Variants in MAOB observed in about 807,000 individuals in gnomAD.
MAOB encodes monoamine oxidase B, also known as amine oxidase [flavin-containing] B.
A neutral mutation model predicts 41.9 loss-of-function variants in MAOB; 15 were observed. That is an observed-to-expected ratio of 0.36 (90% CI 0.24 to 0.55). The LOEUF (loss-of-function observed/expected upper bound fraction) is 0.55. MAOB is among the 20% of genes least tolerant of loss of function. MAOB has a pLI of 0.86. For missense variants in MAOB, 345 were observed against 398.7 expected, an observed-to-expected ratio of 0.87 and a Z score of 1.15; for synonymous variants, 167 against 144.2, an observed-to-expected ratio of 1.16 and a Z score of -1.13.
At chrX:43,840,498 C>T (rs1406099366) in intron 2 of MAOB, among the ~76,000 whole-genome samples, 1 of 111,225 alleles carries the variant, frequency 9.0e-6, no homozygotes, top group Non-Finnish European at 1.9e-5. Context: ...AGAGGGCTGG[C>T]AAGATGGTCG....
intron 3 of MAOB, among the ~76,000 whole-genome samples, chrX:43,810,365 T>C (rs972473899): frequency 9.0e-6 from 1 of 110,509 alleles, no homozygotes. Flanking sequence ...TGTAAATTAA[T>C]GTCACTCACT....
At chrX:43,778,388 T>C (rs1368821792) in intron 11 of MAOB, among the ~76,000 whole-genome samples, 1 of 110,574 alleles carries the variant, frequency 9.0e-6, no homozygotes. Flanking sequence ...CTAACAGAAC[T>C]GGAAGCAGAG....
intron 1 of MAOB, among the ~76,000 whole-genome samples, chrX:43,856,003 T>C (rs887150685): frequency 1.7e-4 from 19 of 111,618 alleles, no homozygotes; most frequent in African/African-American, 4.9e-4. Flanking sequence ...TTCAGGAATT[T>C]GCCCTTGAAA....
In MAOB at chrX:43,769,313, G is replaced by A. The variant is rs758769991; in HGVS notation, c.1341C>T (p.Ala447=). ...CTATGACCCCAGACCCTACCTCTCG[G>A]GCTGCTCTCTCCCCGGCCTCTACAG... ...EGAVEAGERA[A]REILHAMGKI... The change falls in exon 13 of 15, where the codon GCC becomes GCT. Residue 447 remains alanine, a synonymous_variant. Transcript: ENST00000378069. 3.3e-6 allele frequency: 4 copies of A among 1,205,244 alleles called. No individual in the cohort carries two copies. In the South Asian group the frequency reaches 7.1e-5, roughly 21 times the overall value.
rs909570039 is a variant in MAOB, at chrX:43,767,308, G to A, written c.*158C>T. On this transcript the variant is annotated 3_prime_UTR_variant, in exon 15 of 15. Coordinates refer to ENST00000378069, the MANE Select transcript of MAOB (RefSeq NM_000898.5). ...CTAAGCAGGGGCCACAACGGAGAAAGAGATACCATGTATTTTACAGTCAGA... is the reference window on the plus strand; with the variant it reads ...CTAAGCAGGGGCCACAACGGAGAAAAAGATACCATGTATTTTACAGTCAGA... 1 of 502,979 alleles carries A rather than the reference G, an allele frequency of 2.0e-6. No homozygotes were observed. The highest frequency in any genetic ancestry group is 3.1e-6 in the Non-Finnish European group (1 of 318,044). The allele number at this position is 502,979 out of a possible 1,213,427, so 41.5% of individuals were successfully genotyped here. A position where few individuals can be genotyped will look rare whatever the true frequency, so the allele number is the denominator to read the frequency against.
intron 6 of MAOB, among the ~76,000 whole-genome samples, chrX:43,796,196 C>A (rs1176186340): frequency 9.0e-6 from 1 of 111,715 alleles, no homozygotes; most frequent in African/African-American, 3.3e-5. Flanking sequence ...TATCTGCAGT[C>A]TTTTGCTTAG....
At chrX:43,818,921 G>A (rs1426641832) in intron 3 of MAOB, among the ~76,000 whole-genome samples, 12 of 111,697 alleles carry the variant, frequency 1.1e-4, no homozygotes, top group Admixed American at 7.6e-4. Flanking sequence ...TCATAGCTTC[G>A]CCTGGCTATG....
At chrX:43,874,578 C>T (rs995483399) in intron 1 of MAOB, among the ~76,000 whole-genome samples, 42 of 111,497 alleles carry the variant, frequency 3.8e-4, no homozygotes, top group African/African-American at 1.1e-3. Context: ...TTCAATTGCT[C>T]GTTTTTGGAT....
At chrX:43,844,972 C>T (rs1223605807) in intron 1 of MAOB, among the ~76,000 whole-genome samples, 6 of 111,958 alleles carry the variant, frequency 5.4e-5, no homozygotes, top group African/African-American at 2.0e-4. Context: ...TTCTATGTAT[C>T]CTACTGGTTC....
intron 1 of MAOB, among the ~76,000 whole-genome samples, chrX:43,874,025 T>C (rs773263013): frequency 1.7e-4 from 19 of 111,975 alleles, no homozygotes; most frequent in South Asian, 3.7e-4. Context: ...GTGTTTGAGA[T>C]TGCCAGAGAT....
At chrX:43,767,694 C>T in intron 14 of MAOB, 76 bp from the exon 15 acceptor site, 1 of 988,638 alleles carries the variant, frequency 1.0e-6, no homozygotes, top group African/African-American at 1.9e-5. Flanking sequence ...TTCTCCAGCT[C>T]TCTGAACATG....
In MAOB at chrX:43,837,732, G is replaced by A. The variant is rs1208394887; in HGVS notation, c.279+1136C>T. On this transcript the variant is annotated intron_variant, in intron 3 of 14. Coordinates refer to ENST00000378069, the MANE Select transcript of MAOB (RefSeq NM_000898.5). ...AGTTTCTTCTGTCTTCTAAGGGGAT[G>A]TTTTCTACCAGTGAGGAATAAGTTC... 5 of 248,041 alleles carry A rather than the reference G, an allele frequency of 2.0e-5. No individual in the cohort carries two copies. In the East Asian group the frequency reaches 5.2e-4, roughly 26 times the overall value. The allele number at this position is 248,041 out of a possible 1,213,427, so 20.4% of individuals were successfully genotyped here.
At chrX:43,773,397 T>C (rs973177218) in intron 12 of MAOB, among the ~76,000 whole-genome samples, 5 of 112,380 alleles carry the variant, frequency 4.4e-5, no homozygotes, top group African/African-American at 1.6e-4. Context: ...TTTGATATCA[T>C]GTCCTCTCCC....
intron 10 of MAOB, 130 bp downstream of exon 10, chrX:43,780,212 T>C: frequency 1.9e-6 from 1 of 522,659 alleles, no homozygotes; most frequent in Non-Finnish European, 3.2e-6. Flanking sequence ...GTCCGTAAGT[T>C]AAAAAGTTAA....
rs762540801 is a variant in MAOB at position 43,850,435 on chromosome X, C to T, written c.47-6671G>A. ...TCTCCAGGGCATCTCTACTGAACTA[C>T]ATATTAGGAGGTGTTTTGGCCAAAT... On this transcript the variant is annotated intron_variant, in intron 1 of 14. Transcript: ENST00000378069. 101 of 750,206 alleles carry T rather than the reference C, an allele frequency of 1.3e-4. No individual in the cohort carries two copies. The Middle Eastern group carries it at 4.6e-3, about 34-fold the overall frequency. 61.8% of individuals were successfully genotyped at this position (750,206 alleles called of 1,213,427 possible).
At chrX:43,786,557 A>C (rs1386586106) in intron 8 of MAOB, among the ~76,000 whole-genome samples, 2 of 111,895 alleles carry the variant, frequency 1.8e-5, no homozygotes, top group Non-Finnish European at 3.8e-5. Flanking sequence ...GAAGTATGTG[A>C]AGAAGAAATG....
At chrX:43,796,895 C>G (rs2147135021) in intron 6 of MAOB, among the ~76,000 whole-genome samples, 1 of 111,921 alleles carries the variant, frequency 8.9e-6, no homozygotes, top group African/African-American at 3.2e-5. Context: ...AAAATGGCCA[C>G]AGTGCATAAA....
At position 43,803,652 on chromosome X, in the gene MAOB, C is replaced by T. The variant is rs145318402; in HGVS notation, c.280-248G>A. Among the ~76,000 whole-genome samples, 200 of 111,990 alleles carry T rather than the reference C, an allele frequency of 1.8e-3. 2 individuals are homozygous for T. The East Asian group carries it at 0.038, about 21-fold the overall frequency. On this transcript the variant is annotated intron_variant, in intron 3 of 14. Transcript: ENST00000378069. ...ACGGTAAAGAGGTTTCTCTCTGAAA[C>T]TGGAGCCTTTACCATACAAAATGTA...
intron 1 of MAOB, among the ~76,000 whole-genome samples, chrX:43,856,857 T>A (rs1407877293): frequency 9.3e-6 from 1 of 107,192 alleles, no homozygotes; most frequent in Middle Eastern, 4.3e-3. Flanking sequence ...ACAGAGAAAA[T>A]CCACATGTAA....
Sources: gnomAD v4.1 joint callset for allele counts (sites outside exome capture counted in the v4.1 genomes callset) on GRCh38, gnomAD v4.1.1 for gene constraint, MANE v1.5 for transcripts, NCBI Gene and HGNC (gene_info 2026-07-23, HGNC 2026-07-21) for gene names.